ZNF804B: variants seen among roughly 807,000 people sequenced by gnomAD.
ZNF804B encodes the protein zinc finger protein 804B, also known as zinc finger 804B.
In ZNF804B, 80 loss-of-function variants were observed where a neutral mutation model predicts 101.4. The ratio of observed to expected loss-of-function variants is 0.79; its 90% CI spans 0.66 to 0.95. The LOEUF (loss-of-function observed/expected upper bound fraction) is 0.95, where lower values mean the gene tolerates loss of function less well. Among genes scored for constraint, ZNF804B ranks in the 40% least tolerant of loss-of-function variants. The pLI, the probability that ZNF804B is intolerant of heterozygous loss-of-function variation, is 0.00. For missense variants in ZNF804B, 1,673 were observed against 1,561.9 expected, an observed-to-expected ratio of 1.07 and a Z score of -1.20; for synonymous variants, 622 against 558.8, an observed-to-expected ratio of 1.11 and a Z score of -1.59.
At chr7:88,766,284 C>G (rs929746961) in intron 1 of ZNF804B, among the ~76,000 whole-genome samples, 1 of 152,024 alleles carries the variant, frequency 6.6e-6, no homozygotes, top group Admixed American at 6.6e-5. Flanking sequence ...CACTGCAGCC[C>G]CCAGGCAACA....
At chr7:88,823,126 C>T (rs2115764248) in intron 1 of ZNF804B, among the ~76,000 whole-genome samples, 1 of 152,238 alleles carries the variant, frequency 6.6e-6, no homozygotes, top group East Asian at 1.9e-4. Context: ...AGGAGAATTG[C>T]TTAAACCTGG....
intron 1 of ZNF804B, among the ~76,000 whole-genome samples, chr7:89,064,034 C>T (rs1252117522): frequency 6.6e-6 from 1 of 152,128 alleles, no homozygotes; most frequent in Non-Finnish European, 1.5e-5. Context: ...AGGAAGCAGA[C>T]TCTGAGACAG....
chr7:89,306,776 A>G (rs1260688166), intron 2 of ZNF804B, among the ~76,000 whole-genome samples: 2 of 152,012 alleles, frequency 1.3e-5, no homozygotes, highest in East Asian at 3.9e-4. Context: ...TCATTCCCCA[A>G]AAGAAGCAAT....
rs961046859 is a variant in ZNF804B at position 89,321,104 on chromosome 7, A to G, written c.250-6240A>G. Among the ~76,000 whole-genome samples, 3 of 152,204 alleles carry G rather than the reference A, an allele frequency of 2.0e-5. 1 individual carries two copies. The South Asian group carries it at 6.2e-4, about 31-fold the overall frequency. On this transcript the variant is annotated intron_variant, in intron 2 of 3. Coordinates refer to ENST00000333190, the MANE Select transcript of ZNF804B (RefSeq NM_181646.5). ...GAAGTATATGACACCAAAACATGAC[A>G]TATTGAAGAGTATTAGTTGAAAATA... is the stretch of plus-strand genomic sequence containing the variant.
intron 1 of ZNF804B, among the ~76,000 whole-genome samples, chr7:89,131,676 G>C (rs1790549112): frequency 1.3e-5 from 2 of 151,988 alleles, no homozygotes; most frequent in South Asian, 4.1e-4. Flanking sequence ...TGATTCTTAA[G>C]AAAATTGTCT....
At chr7:88,862,112 CT>C (rs935417042) in intron 1 of ZNF804B, among the ~76,000 whole-genome samples, 15 of 152,258 alleles carry the variant, frequency 9.9e-5, no homozygotes, top group African/African-American at 3.1e-4. Flanking sequence ...TTTAATAGAA[CT>C]TTTGGGTTGA....
intron 1 of ZNF804B, among the ~76,000 whole-genome samples, chr7:88,865,058 G>T (rs188826515): frequency 6.6e-6 from 1 of 151,438 alleles, no homozygotes; most frequent in African/African-American, 2.4e-5. Flanking sequence ...GAGAAACCCC[G>T]TCTCTACTAA....
intron 1 of ZNF804B, among the ~76,000 whole-genome samples, chr7:89,144,265 G>GA (rs1790757873): frequency 6.6e-6 from 1 of 151,670 alleles, no homozygotes; most frequent in Non-Finnish European, 1.5e-5. Flanking sequence ...TCTATTTTGA[G>GA]AAAAAAGTCA....
At chr7:88,910,617 TACAATTTAAGAC>T (rs903840428) in intron 1 of ZNF804B, among the ~76,000 whole-genome samples, 9 of 151,958 alleles carry the variant, frequency 5.9e-5, no homozygotes, top group Non-Finnish European at 1.0e-4. Flanking sequence ...GGATCTATTT[TACAATTTAAGAC>T]ACTCAAGCTG....
intron 1 of ZNF804B, among the ~76,000 whole-genome samples, chr7:88,872,804 A>AT (rs1374830683): frequency 1.3e-5 from 2 of 149,702 alleles, no homozygotes; most frequent in South Asian, 2.1e-4. Flanking sequence ...TGAACTCATC[A>AT]TTTTTTATGG....
At chr7:89,010,762 T>C (rs1401608558) in intron 1 of ZNF804B, among the ~76,000 whole-genome samples, 1 of 152,136 alleles carries the variant, frequency 6.6e-6, no homozygotes, top group Non-Finnish European at 1.5e-5. Flanking sequence ...AAAGCAAACA[T>C]TATTTTGTGT....
chr7:88,965,467 T>A (rs943598012), intron 1 of ZNF804B, among the ~76,000 whole-genome samples: 4 of 151,444 alleles, frequency 2.6e-5, no homozygotes, highest in African/African-American at 9.7e-5. Context: ...CATAAGAAGT[T>A]TAACCTTGAA....
intron 1 of ZNF804B, among the ~76,000 whole-genome samples, chr7:89,214,545 G>T (rs1788857704): frequency 6.6e-6 from 1 of 151,980 alleles, no homozygotes; most frequent in Admixed American, 6.6e-5. Flanking sequence ...TTTACCTTCA[G>T]GCCTATTTTT....
chr7:89,190,226 T>C (rs1026930408), intron 1 of ZNF804B, among the ~76,000 whole-genome samples: 3 of 151,284 alleles, frequency 2.0e-5, no homozygotes, highest in African/African-American at 7.3e-5. Flanking sequence ...TCCCAGCTAC[T>C]CAGTAGGCTG....
At chr7:88,823,359 G>A (rs558024673) in intron 1 of ZNF804B, among the ~76,000 whole-genome samples, 1 of 152,228 alleles carries the variant, frequency 6.6e-6, no homozygotes, top group Admixed American at 6.5e-5. Context: ...GGTATAAACA[G>A]CCTGGACAGT....
At chr7:89,198,846 T>C (rs1274725977) in intron 1 of ZNF804B, among the ~76,000 whole-genome samples, 1 of 151,968 alleles carries the variant, frequency 6.6e-6, no homozygotes, top group Non-Finnish European at 1.5e-5. Context: ...GTCAGGATGC[T>C]AGCTCACCAT....
intron 1 of ZNF804B, among the ~76,000 whole-genome samples, chr7:89,045,349 T>G (rs1349326256): frequency 6.6e-6 from 1 of 152,116 alleles, no homozygotes; most frequent in Non-Finnish European, 1.5e-5. Context: ...TGGGGTTAGA[T>G]CCCACACAGG....
chr7:89,335,156 C>T lies in ZNF804B; in HGVS notation c.2174C>T (p.Thr725Ile), dbSNP rs767621640. ...SPSSMSSLRS[T>I]CSSHRFNGNS... The stretch of plus-strand genomic sequence containing the variant: ...AGCAGCATGTCTAGCTTGAGAAGTA[C>T]TTGTTCAAGTCATAGATTCAATGGT... Residue 725 changes from threonine (T) to isoleucine (I), a missense_variant, in exon 4 of 4, where the codon ACT becomes ATT. Coordinates refer to ENST00000333190, the MANE Select transcript of ZNF804B (RefSeq NM_181646.5). The T allele has an allele frequency of 7.4e-6, 12 of 1,613,774 alleles. No homozygotes were observed. The highest frequency in any genetic ancestry group is 1.6e-4 in the Middle Eastern group (1 of 6,084).
Position 89,337,497 on chromosome 7 carries a change from A to G in ZNF804B, c.*465A>G, listed in dbSNP as rs540655626. On this transcript the variant is annotated 3_prime_UTR_variant, in exon 4 of 4. Transcript: ENST00000333190. Reference sequence around the variant, plus strand: ...ATTATTTAAAGTAATTTATGTCGTTAACTATTGACTAAGTTTTCAATTAAT... The same window carrying G: ...ATTATTTAAAGTAATTTATGTCGTTGACTATTGACTAAGTTTTCAATTAAT... 2.2e-4 allele frequency among the ~76,000 whole-genome samples: 34 copies of G among 152,296 alleles called. No individual in the cohort carries two copies. Among genetic ancestry groups the G allele is most frequent in the Non-Finnish European group, 4.7e-4 (32 of 67,986 alleles).
Sources: gnomAD v4.1 joint callset for allele counts (sites outside exome capture counted in the v4.1 genomes callset) on GRCh38, gnomAD v4.1.1 for gene constraint, MANE v1.5 for transcripts, NCBI Gene and HGNC (gene_info 2026-07-23, HGNC 2026-07-21) for gene names.